XKR4: variants seen among roughly 807,000 people sequenced by gnomAD.
The protein encoded by XKR4 is XK-related protein 4.
A neutral mutation model predicts 53.9 loss-of-function variants in XKR4; 12 were observed. The observed-to-expected ratio is 0.22, with a 90% CI of 0.14 to 0.36. The LOEUF (loss-of-function observed/expected upper bound fraction) is 0.36, where lower values mean the gene tolerates loss of function less well. XKR4 is among the 10% of genes least tolerant of loss of function. The pLI, the probability that XKR4 is intolerant of heterozygous loss-of-function variation, is 1.00. For synonymous variants in XKR4, 354 were observed against 362.4 expected (o/e 0.98, Z 0.26); for missense variants, 799 against 859.5 (o/e 0.93, Z 0.88).
intron 2 of XKR4, among the ~76,000 whole-genome samples, chr8:55,464,727 T>G (rs951971153): frequency 6.6e-6 from 1 of 152,218 alleles, no homozygotes; most frequent in East Asian, 1.9e-4. Context: ...GATTGTATAT[T>G]TAGAAAACCC....
At chr8:55,182,575 A>T (rs147436168) in intron 1 of XKR4, among the ~76,000 whole-genome samples, 1 of 152,118 alleles carries the variant, frequency 6.6e-6, no homozygotes, top group Non-Finnish European at 1.5e-5. Context: ...TTGAATTGCT[A>T]CTTTACCTTT....
chr8:55,352,932 A>G (rs1286086012), intron 1 of XKR4, among the ~76,000 whole-genome samples: 2 of 152,260 alleles, frequency 1.3e-5, no homozygotes, highest in East Asian at 3.8e-4. Context: ...TGGATGGACA[A>G]CTTAATGGAT....
At chr8:55,247,604 C>A (rs992958642) in intron 1 of XKR4, among the ~76,000 whole-genome samples, 1 of 152,046 alleles carries the variant, frequency 6.6e-6, no homozygotes, top group East Asian at 1.9e-4. Context: ...TCTCTTGATA[C>A]AAAAAATGTT....
Position 55,339,881 on chromosome 8 carries a change from A to G in XKR4, c.807-17797A>G, listed in dbSNP as rs182686020. ...TATGTTTTTTCCAAAAAAAACAACA[A>G]CAAAAATGCTATTCCCTAAATAAAG... On this transcript the variant is annotated intron_variant, in intron 1 of 2. Coordinates refer to ENST00000327381, the MANE Select transcript of XKR4 (RefSeq NM_052898.2). Among the ~76,000 whole-genome samples, 32 of 152,342 alleles carry G rather than the reference A, an allele frequency of 2.1e-4. No individual in the cohort carries two copies. The East Asian group carries it at 5.0e-3, about 24-fold the overall frequency.
intron 2 of XKR4, among the ~76,000 whole-genome samples, chr8:55,442,514 T>C (rs1173075000): frequency 6.6e-6 from 1 of 152,158 alleles, no homozygotes; most frequent in South Asian, 2.1e-4. Context: ...AACACATACG[T>C]TTCAGAAAAA....
chr8:55,184,275 T>C (rs1015043116), intron 1 of XKR4, among the ~76,000 whole-genome samples: 1 of 152,176 alleles, frequency 6.6e-6, no homozygotes, highest in African/African-American at 2.4e-5. Flanking sequence ...AGAAAAGTTG[T>C]TAATATACTG....
At chr8:55,181,851 C>T (rs924709729) in intron 1 of XKR4, among the ~76,000 whole-genome samples, 4 of 151,826 alleles carry the variant, frequency 2.6e-5, no homozygotes, top group African/African-American at 9.7e-5. Context: ...AAAATCTTCT[C>T]CCATGTGAAT....
Position 55,525,713 on chromosome 8 carries a change from T to C in XKR4, c.*1486T>C, listed in dbSNP as rs1439116729. On this transcript the variant is annotated 3_prime_UTR_variant, in exon 3 of 3. Coordinates refer to ENST00000327381, the MANE Select transcript of XKR4 (RefSeq NM_052898.2). ...AGTTGGTGCAGAGTGGAATAACTCATGGATTATTTCAATATTTTTGTAATA... is the reference window on the plus strand; with the variant it reads ...AGTTGGTGCAGAGTGGAATAACTCACGGATTATTTCAATATTTTTGTAATA... 3 of 152,642 alleles carry C rather than the reference T, an allele frequency of 2.0e-5. No homozygotes were observed. In the East Asian group the frequency reaches 5.8e-4, roughly 29 times the overall value. 9.5% of individuals were successfully genotyped at this position (152,642 alleles called of 1,614,324 possible). A position where few individuals can be genotyped will look rare whatever the true frequency, so the allele number is the denominator to read the frequency against.
Position 55,456,336 on chromosome 8 carries a change from C to T in XKR4, c.1007-66945C>T, listed in dbSNP as rs914285953. ...ATCCCAGCTACTGGAGAGGCTGAGG[C>T]AGGAGAATCACTTGAACCCAGCGGG... On this transcript the variant is annotated intron_variant, in intron 2 of 2. Coordinates refer to ENST00000327381, the MANE Select transcript of XKR4 (RefSeq NM_052898.2). Among the ~76,000 whole-genome samples the T allele has an allele frequency of 1.3e-4, 20 of 152,088 alleles. 1 individual carries two copies. The highest frequency in any genetic ancestry group is 9.8e-4 in the Admixed American group (15 of 15,260).
At chr8:55,340,060 A>G (rs1803519173) in intron 1 of XKR4, among the ~76,000 whole-genome samples, 1 of 152,236 alleles carries the variant, frequency 6.6e-6, no homozygotes, top group Non-Finnish European at 1.5e-5. Context: ...GAATACGTGT[A>G]CATGCCCATT....
In XKR4 at chr8:55,103,144, C is replaced by G. The variant is rs1286363041; in HGVS notation, c.656C>G (p.Ala219Gly). 1 of 1,613,978 alleles carries G rather than the reference C, an allele frequency of 6.2e-7. No homozygotes were observed. Among genetic ancestry groups the G allele is most frequent in the South Asian group, 1.1e-5 (1 of 91,088 alleles). ...PSTPQRQASN[A>G]SKSNIAAANS... ...ACGCCGCAAAGGCAAGCATCTAACGCCAGCAAGAGCAACATCGCCGCGGCC... is the reference window on the plus strand; with the variant it reads ...ACGCCGCAAAGGCAAGCATCTAACGGCAGCAAGAGCAACATCGCCGCGGCC... The change falls in exon 1 of 3, where the codon GCC (alanine) becomes GGC (glycine). Residue 219 changes from alanine (A) to glycine (G), a missense_variant. Transcript: ENST00000327381.
chr8:55,346,643 C>A (rs919218733), intron 1 of XKR4, among the ~76,000 whole-genome samples: 2 of 149,522 alleles, frequency 1.3e-5, no homozygotes, highest in African/African-American at 5.0e-5. Context: ...ACAAGTCATA[C>A]AATTTTCTTA....
At chr8:55,490,625 A>G (rs1806257454) in intron 2 of XKR4, among the ~76,000 whole-genome samples, 1 of 152,238 alleles carries the variant, frequency 6.6e-6, no homozygotes, top group Non-Finnish European at 1.5e-5. Context: ...ATTAAAAATA[A>G]AAGACGCTGT....
intron 1 of XKR4, among the ~76,000 whole-genome samples, chr8:55,154,644 C>T (rs1237488465): frequency 6.6e-6 from 1 of 152,110 alleles, no homozygotes; most frequent in East Asian, 1.9e-4. Flanking sequence ...TGGTACTGGG[C>T]AAAATCCTCT....
intron 1 of XKR4, among the ~76,000 whole-genome samples, chr8:55,320,245 G>C (rs1314673845): frequency 1.3e-5 from 2 of 152,196 alleles, no homozygotes; most frequent in Non-Finnish European, 2.9e-5. Context: ...AGTACTTTTA[G>C]TGAGAGGAAA....
intron 2 of XKR4, among the ~76,000 whole-genome samples, chr8:55,493,257 C>G (rs7840146): frequency 0.054 from 8,245 of 152,162 alleles, 612 homozygotes; most frequent in East Asian, 0.27. Context: ...AGCATCCTAC[C>G]AGGAGTAATG....
chr8:55,306,267 A>G (rs1819298269), intron 1 of XKR4, among the ~76,000 whole-genome samples: 1 of 152,200 alleles, frequency 6.6e-6, no homozygotes, highest in South Asian at 2.1e-4. Context: ...GTACTTTGCT[A>G]TTTAGCATCT....
At chr8:55,108,881 A>G (rs1366543624) in intron 1 of XKR4, among the ~76,000 whole-genome samples, 1 of 152,126 alleles carries the variant, frequency 6.6e-6, no homozygotes, top group East Asian at 1.9e-4. Flanking sequence ...CTTGGGTCAT[A>G]TATTTCTGGA....
At chr8:55,476,957 C>T (rs1805998319) in intron 2 of XKR4, among the ~76,000 whole-genome samples, 1 of 152,172 alleles carries the variant, frequency 6.6e-6, no homozygotes, top group Non-Finnish European at 1.5e-5. Context: ...GTAGAGTCCA[C>T]CTCTGGGGGC....
Sources: gnomAD v4.1 joint callset for allele counts (sites outside exome capture counted in the v4.1 genomes callset) on GRCh38, gnomAD v4.1.1 for gene constraint, MANE v1.5 for transcripts, NCBI Gene and HGNC (gene_info 2026-07-23, HGNC 2026-07-21) for gene names.